PCNX2: variants seen among roughly 807,000 people sequenced by gnomAD.
PCNX2 encodes the protein pecanex-like protein 2.
A neutral mutation model predicts 223.8 loss-of-function variants in PCNX2; 168 were observed. The observed-to-expected ratio is 0.75, with a 90% CI of 0.66 to 0.85. The LOEUF (loss-of-function observed/expected upper bound fraction) is 0.85. Ranked by LOEUF, PCNX2 falls within the 40% of genes least tolerant of loss-of-function variation. The pLI is 0.00. For missense variants in PCNX2, 2,507 were observed against 2,675.5 expected, an observed-to-expected ratio of 0.94 and a Z score of 1.39; for synonymous variants, 1,006 against 1,052.6, an observed-to-expected ratio of 0.96 and a Z score of 0.86.
chr1:233,042,473 T>C (rs751231922), intron 25 of PCNX2, among the ~76,000 whole-genome samples: 9 of 152,228 alleles, frequency 5.9e-5, no homozygotes, highest in Non-Finnish European at 1.3e-4. Context: ...CAGTAGTTGC[T>C]CAACTTCTGT....
chr1:233,245,509 G>A (rs1462413937), intron 8 of PCNX2, among the ~76,000 whole-genome samples: 1 of 152,226 alleles, frequency 6.6e-6, no homozygotes, highest in Non-Finnish European at 1.5e-5. Context: ...AGGGCTGAGG[G>A]AGGAGGGCAG....
intron 25 of PCNX2, among the ~76,000 whole-genome samples, chr1:233,048,600 G>A (rs1671897225): frequency 6.6e-6 from 1 of 152,044 alleles, no homozygotes; most frequent in African/African-American, 2.4e-5. Context: ...CACACCTAAA[G>A]GAACTAGAAA....
intron 33 of PCNX2, chr1:232,985,674 T>G (rs1669447960): frequency 2.3e-6 from 1 of 427,540 alleles, no homozygotes; most frequent in Non-Finnish European, 4.1e-6. Flanking sequence ...TCAAATCGAT[T>G]GGCTGAGAAG....
intron 8 of PCNX2, among the ~76,000 whole-genome samples, chr1:233,243,998 ATTT>A (rs1370779468): frequency 6.6e-6 from 1 of 151,920 alleles, no homozygotes; most frequent in Non-Finnish European, 1.5e-5. Flanking sequence ...TGCCCAGCTA[ATTT>A]TTTATTTTTA....
chr1:233,115,243 C>T (rs1675340935), intron 21 of PCNX2, among the ~76,000 whole-genome samples: 1 of 151,884 alleles, frequency 6.6e-6, no homozygotes, highest in Non-Finnish European at 1.5e-5. Context: ...GAGACACAGG[C>T]CCAATTAAAA....
chr1:233,011,466 G>A (rs532151012), intron 28 of PCNX2, among the ~76,000 whole-genome samples: 26 of 152,242 alleles, frequency 1.7e-4, no homozygotes, highest in South Asian at 1.7e-3. Context: ...TTTAAGTTCC[G>A]TGGTACATGT....
At position 233,001,381 on chromosome 1, in the gene PCNX2, T is replaced by C. The variant is rs1372609384; in HGVS notation, c.5097+156A>G. Among the ~76,000 whole-genome samples, 1 of 151,960 alleles carries C rather than the reference T, an allele frequency of 6.6e-6. No homozygotes were observed. Among genetic ancestry groups the C allele is most frequent in the Non-Finnish European group, 1.5e-5 (1 of 67,978 alleles). ...GTAATCCCAGCTACTTGGGAGGCTG[T>C]GGCAGGAGAATCGCTTGAACCCGGG... is the stretch of plus-strand genomic sequence containing the variant. On this transcript the variant is annotated intron_variant, in intron 29 of 33. Coordinates refer to ENST00000258229, the MANE Select transcript of PCNX2 (RefSeq NM_014801.4). This position sits in a 1 kb window ranked among gnomAD's most constrained non-coding sequence, Gnocchi z 4.2.
chr1:233,197,441 A>G (rs1680802014), intron 15 of PCNX2, among the ~76,000 whole-genome samples: 1 of 152,194 alleles, frequency 6.6e-6, no homozygotes, highest in Non-Finnish European at 1.5e-5. Context: ...ACTTTTCCTA[A>G]ATGAAGTATA....
At chr1:233,019,311 C>G (rs944383338) in intron 26 of PCNX2, 1 of 593,180 alleles carries the variant, frequency 1.7e-6, no homozygotes, top group East Asian at 1.4e-4. Flanking sequence ...AAAATGAAAT[C>G]TGCAGACAAT....
At chr1:233,262,226 T>A in intron 2 of PCNX2, 61 bp from the exon 3 acceptor site, 1 of 1,593,720 alleles carries the variant, frequency 6.3e-7, no homozygotes, top group Non-Finnish European at 8.5e-7. Context: ...AGCATGACTC[T>A]TTTAGTACTA....
chr1:233,162,421 T>C (rs1432960086), intron 17 of PCNX2, among the ~76,000 whole-genome samples: 1 of 152,192 alleles, frequency 6.6e-6, no homozygotes, highest in African/African-American at 2.4e-5. Flanking sequence ...TAAATTAAAA[T>C]GTGGGGTTTC....
chr1:233,042,002 G>A (rs866529456), intron 25 of PCNX2, among the ~76,000 whole-genome samples: 9 of 152,192 alleles, frequency 5.9e-5, no homozygotes, highest in South Asian at 4.1e-4. Context: ...TGGATATAGG[G>A]TTTATAAGAA....
chr1:233,179,035 T>C, intron 16 of PCNX2, 31 bp downstream of exon 16: 2 of 1,587,766 alleles, frequency 1.3e-6, no homozygotes, highest in Non-Finnish European at 1.7e-6. Context: ...CCCAGCTCAG[T>C]GATGAGAGAG....
intron 1 of PCNX2, among the ~76,000 whole-genome samples, chr1:233,277,471 C>T (rs1660975090): frequency 6.6e-6 from 1 of 152,180 alleles, no homozygotes; most frequent in African/African-American, 2.4e-5. Context: ...GGCTTGCTGT[C>T]CTCTACCATG....
chr1:233,286,717 C>G (rs1460158522), intron 1 of PCNX2, among the ~76,000 whole-genome samples: 1 of 152,036 alleles, frequency 6.6e-6, no homozygotes, highest in Non-Finnish European at 1.5e-5. Context: ...GGAAAGGCAG[C>G]TCTCCAGAGA....
In PCNX2 at chr1:233,287,330, C is replaced by T. The variant is rs1661503391; in HGVS notation, c.153+7996G>A. Among the ~76,000 whole-genome samples the T allele has an allele frequency of 2.0e-5, 3 of 152,270 alleles. No homozygotes were observed. The South Asian group carries it at 6.2e-4, about 32-fold the overall frequency. On this transcript the variant is annotated intron_variant, in intron 1 of 33. Transcript: ENST00000258229. ...CATGCCAATGTGCAAGGAATATATA[C>T]CCATTGGTATGGTTTGGCTGTGTCC...
the PCNX2 span, among the ~76,000 whole-genome samples, chr1:233,319,016 G>A: frequency 7.9e-5 from 12 of 152,006 alleles, no homozygotes; most frequent in Non-Finnish European, 1.8e-4. Context: ...CAGGACATTT[G>A]TCCACCTCAC....
At chr1:233,246,809 C>T (rs908210336) in intron 8 of PCNX2, among the ~76,000 whole-genome samples, 1 of 152,148 alleles carries the variant, frequency 6.6e-6, no homozygotes, top group African/African-American at 2.4e-5. Flanking sequence ...TGCACATGAA[C>T]TCACACGAGT....
chr1:233,094,670 A>T (rs190699432), intron 22 of PCNX2, among the ~76,000 whole-genome samples: 1 of 152,196 alleles, frequency 6.6e-6, no homozygotes, highest in South Asian at 2.1e-4. Context: ...CACCAAGTTA[A>T]GGTCATAGAG....
Sources: allele counts gnomAD v4.1 joint callset (sites outside exome capture counted in the v4.1 genomes callset), GRCh38; gene constraint gnomAD v4.1.1; non-coding constraint Gnocchi (gnomAD v3.1); transcripts MANE v1.5; gene names NCBI Gene and HGNC (gene_info 2026-07-23, HGNC 2026-07-21).